The following NFIA variants were observed in gnomAD, a reference collection of about 807,000 sequenced individuals.
NFIA encodes the protein nuclear factor 1 A-type.
Under a neutral mutation model 62.8 loss-of-function variants are expected in NFIA, and 8 were observed. That is an observed-to-expected ratio of 0.13 (90% CI 0.07 to 0.23). The LOEUF is 0.23. Among genes scored for constraint, NFIA ranks in the 10% least tolerant of loss-of-function variants. NFIA has a pLI of 1.00. For missense variants in NFIA, 410 were observed against 642.1 expected (o/e 0.64, Z 3.91); for synonymous variants, 235 against 238.1 (o/e 0.99, Z 0.12).
intron 3 of NFIA, among the ~76,000 whole-genome samples, chr1:61,313,867 A>G (rs1349546986): frequency 6.6e-6 from 1 of 152,148 alleles, no homozygotes; most frequent in Non-Finnish European, 1.5e-5. Context: ...AGTTAATTAC[A>G]TTGCTTCAGT....
chr1:61,457,342 T>C lies in NFIA; in HGVS notation c.*2022T>C, dbSNP rs574093396. The stretch of plus-strand genomic sequence containing the variant: ...AAAGGGGTTTTTCCCTAGTCAAGCA[T>C]TTGGAGACACTTTTTGTAAATGTGA... On this transcript the variant is annotated 3_prime_UTR_variant, in exon 11 of 11. Coordinates refer to ENST00000403491, the MANE Select transcript of NFIA (RefSeq NM_001134673.4). The surrounding 1 kb of genome is among the most constrained non-coding windows in gnomAD (Gnocchi z 4.2). 2.0e-5 allele frequency: 3 copies of C among 152,332 alleles called. No homozygotes were observed. The highest frequency in any genetic ancestry group is 2.0e-4 in the Admixed American group (3 of 15,302). 9.4% of individuals were successfully genotyped at this position (152,332 alleles called of 1,614,324 possible).
At chr1:61,077,557 AAG>A, upstream of NFIA, 1 of 1,266,464 alleles carries the variant, frequency 7.9e-7, no homozygotes, top group Non-Finnish European at 1.0e-6. Context: ...ATGCAAAAAA[AAG>A]GGGACAACAA....
intron 1 of NFIA, among the ~76,000 whole-genome samples, chr1:61,085,201 A>T (rs948338782): frequency 6.6e-6 from 1 of 152,158 alleles, no homozygotes; most frequent in South Asian, 2.1e-4. Context: ...TTAAAAAAAA[A>T]CTTTACCAAG....
intron 10 of NFIA, among the ~76,000 whole-genome samples, chr1:61,444,434 T>G (rs559059078): frequency 7.9e-5 from 12 of 152,136 alleles, no homozygotes; most frequent in Non-Finnish European, 1.6e-4. Context: ...AAAACATTCC[T>G]TCACCAAGCC....
intron 2 of NFIA, among the ~76,000 whole-genome samples, chr1:61,193,415 T>C (rs140109863): frequency 5.1e-4 from 77 of 152,336 alleles, no homozygotes; most frequent in African/African-American, 1.7e-3. Flanking sequence ...ACTAATGACA[T>C]GTGGAAGTCA....
intron 2 of NFIA, among the ~76,000 whole-genome samples, chr1:61,201,950 A>ATGG (rs1652532015): frequency 6.7e-6 from 1 of 149,654 alleles, no homozygotes; most frequent in Admixed American, 6.7e-5. Flanking sequence ...GAAAATCTTA[A>ATGG]AAAAAAAACA....
chr1:61,430,800 C>A (rs908634231), intron 10 of NFIA, among the ~76,000 whole-genome samples: 3 of 152,112 alleles, frequency 2.0e-5, no homozygotes, highest in African/African-American at 7.2e-5. Context: ...ACATTCCTGC[C>A]GAGTTATCTG....
intron 2 of NFIA, among the ~76,000 whole-genome samples, chr1:61,109,229 C>T (rs1646654720): frequency 1.3e-5 from 2 of 151,864 alleles, no homozygotes; most frequent in Non-Finnish European, 2.9e-5. Context: ...AGCTATTAAG[C>T]AGTCAGGGGT....
At chr1:61,283,553 T>A (rs981141854) in intron 3 of NFIA, among the ~76,000 whole-genome samples, 15 of 110,726 alleles carry the variant, frequency 1.4e-4, no homozygotes, top group African/African-American at 5.1e-4. Context: ...CTGCACTCCA[T>A]CCTGGGTGAC....
At chr1:61,408,252 C>G (rs1234835274) in intron 9 of NFIA, among the ~76,000 whole-genome samples, 1 of 152,184 alleles carries the variant, frequency 6.6e-6, no homozygotes, top group Non-Finnish European at 1.5e-5. Flanking sequence ...CCTCAGTGTC[C>G]AATGACAGAG....
At chr1:61,229,057 C>T (rs975061185) in intron 2 of NFIA, among the ~76,000 whole-genome samples, 21 of 151,338 alleles carry the variant, frequency 1.4e-4, no homozygotes, top group Admixed American at 3.9e-4. Context: ...AAATTATTGT[C>T]TTTCATATAG....
chr1:61,423,049 A>G lies in NFIA; in HGVS notation c.1421-3416A>G, dbSNP rs1026171428. Reference sequence around the variant, plus strand: ...ATATGGGATCAAATTCTGGTTTGGGATTTTGAAACTTACTGCTGTAGTGCA... The same window carrying G: ...ATATGGGATCAAATTCTGGTTTGGGGTTTTGAAACTTACTGCTGTAGTGCA... On this transcript the variant is annotated intron_variant, in intron 9 of 10. Coordinates refer to ENST00000403491, the MANE Select transcript of NFIA (RefSeq NM_001134673.4). 5.9e-5 allele frequency among the ~76,000 whole-genome samples: 9 copies of G among 152,272 alleles called. No individual in the cohort carries two copies. In the East Asian group the frequency reaches 1.7e-3, roughly 29 times the overall value.
intron 2 of NFIA, among the ~76,000 whole-genome samples, chr1:61,274,523 C>T (rs1657695072): frequency 6.6e-6 from 1 of 152,156 alleles, no homozygotes; most frequent in Non-Finnish European, 1.5e-5. Flanking sequence ...GTATGGGAGA[C>T]TCAGATACAA....
chr1:61,446,551 C>T (rs149923867), intron 10 of NFIA, among the ~76,000 whole-genome samples: 2 of 152,276 alleles, frequency 1.3e-5, no homozygotes, highest in African/African-American at 2.4e-5. Context: ...ACGAGCAGAC[C>T]TGTGCCAGGG....
At chr1:61,217,795 G>A (rs1250670761) in intron 2 of NFIA, among the ~76,000 whole-genome samples, 1 of 152,072 alleles carries the variant, frequency 6.6e-6, no homozygotes, top group East Asian at 1.9e-4. Flanking sequence ...CAGAATATAG[G>A]CCTAAAATTA....
At chr1:61,281,589 C>T (rs1043898497) in intron 3 of NFIA, among the ~76,000 whole-genome samples, 4 of 152,148 alleles carry the variant, frequency 2.6e-5, no homozygotes, top group Non-Finnish European at 4.4e-5. Flanking sequence ...TTTGTTTTAT[C>T]CTCACAATCT....
chr1:61,284,145 T>C (rs903390212), intron 3 of NFIA, among the ~76,000 whole-genome samples: 4 of 152,142 alleles, frequency 2.6e-5, no homozygotes, highest in African/African-American at 9.7e-5. Flanking sequence ...ATAGCAGCAA[T>C]AACAGTTATG....
chr1:61,262,114 ACTCT>A (rs928886680), intron 2 of NFIA, among the ~76,000 whole-genome samples: 2 of 151,996 alleles, frequency 1.3e-5, no homozygotes, highest in South Asian at 2.1e-4. Context: ...GTTGTTCTAT[ACTCT>A]CTCTCTTTAT....
intron 2 of NFIA, among the ~76,000 whole-genome samples, chr1:61,264,901 G>T (rs991022234): frequency 2.0e-5 from 3 of 152,128 alleles, no homozygotes; most frequent in Non-Finnish European, 2.9e-5. Context: ...TTGGGTGAAG[G>T]CGAGAGCACA....
Sources: allele counts gnomAD v4.1 joint callset (sites outside exome capture counted in the v4.1 genomes callset), GRCh38; gene constraint gnomAD v4.1.1; non-coding constraint Gnocchi (gnomAD v3.1); transcripts MANE v1.5; gene names NCBI Gene and HGNC (gene_info 2026-07-23, HGNC 2026-07-21).